EXPH5: variants seen among roughly 807,000 people sequenced by gnomAD.
The protein encoded by EXPH5 is exophilin 5, also known as exophilin-5.
In EXPH5, 42 loss-of-function variants were observed where a neutral mutation model predicts 41.1. The observed-to-expected ratio is 1.02, with a 90% confidence interval of 0.80 to 1.32. The LOEUF is 1.32. Among genes scored for constraint, EXPH5 ranks in the 40% most tolerant of loss-of-function variants. The pLI is 0.00. For missense variants in EXPH5, 2,298 were observed against 2,314.5 expected, an observed-to-expected ratio of 0.99 and a Z score of 0.15; for synonymous variants, 798 against 833.5, an observed-to-expected ratio of 0.96 and a Z score of 0.73.
At chr11:108,548,753 G>A (rs972452558) in intron 1 of EXPH5, among the ~76,000 whole-genome samples, 1 of 152,126 alleles carries the variant, frequency 6.6e-6, no homozygotes, top group African/African-American at 2.4e-5. Context: ...TTTGTACATT[G>A]ACAATGGTTA....
rs1383672684 is a variant in EXPH5 at position 108,512,110 on chromosome 11, A to T, written c.3397T>A (p.Ser1133Thr). The T allele has an allele frequency of 6.2e-7, 1 of 1,613,574 alleles. No individual in the cohort carries two copies. Among genetic ancestry groups the T allele is most frequent in the African/African-American group, 1.3e-5 (1 of 74,846 alleles). ...MSCPSGEPHA[S>T]TGREGRKKPL... ...TTTTTTCTTCCTTCTCTTCCAGTTGAGGCATGTGGCTCCCCTGAGGGACAT... is the reference window on the plus strand; with the variant it reads ...TTTTTTCTTCCTTCTCTTCCAGTTGTGGCATGTGGCTCCCCTGAGGGACAT... The change falls in exon 6 of 6, where the codon TCA (serine) becomes ACA (threonine). Residue 1133 changes from serine to threonine, a missense_variant. Transcript: ENST00000265843.
chr11:108,574,347 C>T (rs867718327), intron 1 of EXPH5, among the ~76,000 whole-genome samples: 4 of 148,736 alleles, frequency 2.7e-5, no homozygotes, highest in Non-Finnish European at 4.4e-5. Flanking sequence ...CACTGCACTG[C>T]AGCCTGGGTG....
rs1020104124 is a variant in EXPH5, at chr11:108,564,181, A to C, written c.120-22369T>G. Among the ~76,000 whole-genome samples the C allele has an allele frequency of 2.6e-5, 4 of 152,078 alleles. No homozygotes were observed. The East Asian group carries it at 7.7e-4, about 29-fold the overall frequency. On this transcript the variant is annotated intron_variant, in intron 1 of 5. Coordinates refer to ENST00000265843, the MANE Select transcript of EXPH5 (RefSeq NM_015065.3). ...TGGGCATCTGTAACCCCAGTTATTC[A>C]GGAGGCTGAGGCAGGAGAATCGCTT...
chr11:108,511,154 A>G lies in EXPH5; in HGVS notation c.4353T>C (p.Gly1451=), dbSNP rs1171275391. The change falls in exon 6 of 6, where the codon GGT becomes GGC. Residue 1451 remains glycine, a synonymous_variant. Transcript: ENST00000265843. ...RRSSWECTGS[G]RAIPFTGSGK... is the part of the protein sequence containing the mutation. ...CACTTCCAGTAAATGGAATGGCTCT[A>G]CCACTCCCTGTACACTCCCAAGAAC... 6.2e-7 allele frequency: 1 copy of G among 1,613,614 alleles called. No individual in the cohort carries two copies. Among genetic ancestry groups the G allele is most frequent in the South Asian group, 1.1e-5 (1 of 90,960 alleles).
intron 1 of EXPH5, among the ~76,000 whole-genome samples, chr11:108,547,544 A>G (rs1311487066): frequency 6.6e-6 from 1 of 152,098 alleles, no homozygotes; most frequent in Non-Finnish European, 1.5e-5. Context: ...CATACTACCA[A>G]AATAACTGTA....
At chr11:108,592,860 G>T (rs985107624) in intron 1 of EXPH5, among the ~76,000 whole-genome samples, 1 of 152,374 alleles carries the variant, frequency 6.6e-6, no homozygotes, top group African/African-American at 2.4e-5. Flanking sequence ...TACCCTTGGG[G>T]TGGGGACCTT....
Position 108,562,429 on chromosome 11 carries a change from T to C in EXPH5, c.120-20617A>G, listed in dbSNP as rs190073289. On this transcript the variant is annotated intron_variant, in intron 1 of 5. Transcript: ENST00000265843. Reference sequence around the variant, plus strand: ...CAACATGGAGAAACCCGTTCTCTACTAAACAACAACAAAAAAAAAGAATAC... The same window carrying C: ...CAACATGGAGAAACCCGTTCTCTACCAAACAACAACAAAAAAAAAGAATAC... Among the ~76,000 whole-genome samples the C allele has an allele frequency of 1.1e-4, 16 of 151,554 alleles. No individual in the cohort carries two copies. The East Asian group carries it at 3.1e-3, about 29-fold the overall frequency.
chr11:108,552,139 A>C (rs1157677815), intron 1 of EXPH5: 1 of 137,308 alleles, frequency 7.3e-6, no homozygotes, highest in Non-Finnish European at 1.6e-5. Context: ...TGTGTTCCCA[A>C]TCAGAAAGAG....
chr11:108,546,701 T>C (rs1244630818), intron 1 of EXPH5, among the ~76,000 whole-genome samples: 1 of 152,242 alleles, frequency 6.6e-6, no homozygotes. Flanking sequence ...CAAGCTAGTA[T>C]GTTTTTCTTC....
upstream of EXPH5, among the ~76,000 whole-genome samples, chr11:108,597,346 C>T (rs773361547): frequency 6.6e-5 from 10 of 152,090 alleles, no homozygotes; most frequent in Admixed American, 2.0e-4. Context: ...TACAGGCGCA[C>T]GCCACCGCAC....
At chr11:108,572,273 G>A (rs17108271) in intron 1 of EXPH5, among the ~76,000 whole-genome samples, 4,341 of 152,236 alleles carry the variant, frequency 0.029, 210 homozygotes, top group African/African-American at 0.097. Context: ...AATAGCTCCG[G>A]GGCAGAAGAA....
At chr11:108,521,589 A>G (rs2093765168) in intron 4 of EXPH5, among the ~76,000 whole-genome samples, 1 of 152,228 alleles carries the variant, frequency 6.6e-6, no homozygotes, top group Admixed American at 6.5e-5. Flanking sequence ...TAGAGGTAAT[A>G]AAACCTCAAA....
In EXPH5 at chr11:108,506,913, C is replaced by A. The variant is rs1284725325; in HGVS notation, c.*2624G>T. The A allele has an allele frequency of 6.6e-6, 1 of 152,124 alleles. No homozygotes were observed. The highest frequency in any genetic ancestry group is 1.5e-5 in the Non-Finnish European group (1 of 68,082). The allele number at this position is 152,124 out of a possible 1,614,324, so 9.4% of individuals were successfully genotyped here. On this transcript the variant is annotated 3_prime_UTR_variant, in exon 6 of 6. Coordinates refer to ENST00000265843, the MANE Select transcript of EXPH5 (RefSeq NM_015065.3). ...AGCTGAGGCAGGAGAATCGCTTGAACCTGGGAGGCGGAGGTTGCAGTGAGC... is the reference window on the plus strand; with the variant it reads ...AGCTGAGGCAGGAGAATCGCTTGAAACTGGGAGGCGGAGGTTGCAGTGAGC...
chr11:108,530,835 C>A (rs562183277), intron 3 of EXPH5, among the ~76,000 whole-genome samples: 12 of 152,300 alleles, frequency 7.9e-5, no homozygotes, highest in South Asian at 4.1e-4. Flanking sequence ...ACATAATTGC[C>A]TAAGGGTGCC....
chr11:108,513,994 T>G lies in EXPH5; in HGVS notation c.1513A>C (p.Arg505=), dbSNP rs371526912. The G allele has an allele frequency of 1.2e-6, 2 of 1,612,790 alleles. No homozygotes were observed. Among genetic ancestry groups the G allele is most frequent in the Non-Finnish European group, 1.7e-6 (2 of 1,179,514 alleles). Residue 505 remains arginine (R), a synonymous_variant, in exon 6 of 6, where the codon AGA becomes CGA. Coordinates refer to ENST00000265843, the MANE Select transcript of EXPH5 (RefSeq NM_015065.3). ...RSRKSFSSSD[R]DFEMISMEAN... is the part of the protein sequence containing the mutation. ...TCCATGGAAATCATTTCAAAGTCTC[T>G]GTCAGAAGAACTGAATGATTTCCTG...
chr11:108,594,061 A>C (rs1391477693), upstream of EXPH5, among the ~76,000 whole-genome samples: 3 of 152,196 alleles, frequency 2.0e-5, no homozygotes, highest in Non-Finnish European at 4.4e-5. Flanking sequence ...TTCATGACTA[A>C]TCCTCCCTTT....
Position 108,510,386 on chromosome 11 carries a change from T to C in EXPH5, c.5121A>G (p.Ser1707=). 3 of 1,614,068 alleles carry C rather than the reference T, an allele frequency of 1.9e-6. No homozygotes were observed. Among genetic ancestry groups the C allele is most frequent in the Middle Eastern group, 1.6e-4 (1 of 6,062 alleles). The change falls in exon 6 of 6, where the codon TCA becomes TCG. Residue 1707 remains serine, a synonymous_variant. Transcript: ENST00000265843. ...AATTCTCATGCTTTGATGGTGATTCTGAGACGTTTTTAAACTCATTCTGAT... is the reference window on the plus strand; with the variant it reads ...AATTCTCATGCTTTGATGGTGATTCCGAGACGTTTTTAAACTCATTCTGAT... The part of the protein sequence containing the change: ...QRHQNEFKNV[S]ESPSKHENSK...
chr11:108,559,156 A>C (rs1049792111), intron 1 of EXPH5, among the ~76,000 whole-genome samples: 3 of 152,098 alleles, frequency 2.0e-5, no homozygotes, highest in Non-Finnish European at 2.9e-5. Context: ...TTGTCTCATC[A>C]CTGGATTGTC....
intron 1 of EXPH5, among the ~76,000 whole-genome samples, chr11:108,593,212 G>C (rs2094132355): frequency 6.6e-6 from 1 of 152,176 alleles, no homozygotes; most frequent in African/African-American, 2.4e-5. Flanking sequence ...CTGGTATGTG[G>C]TGGGTGGAGA....
Sources: allele counts gnomAD v4.1 joint callset (sites outside exome capture counted in the v4.1 genomes callset), GRCh38; gene constraint gnomAD v4.1.1; transcripts MANE v1.5; gene names NCBI Gene and HGNC (gene_info 2026-07-23, HGNC 2026-07-21).